Variants in PARP8 observed in about 807,000 individuals in gnomAD.
PARP8 encodes protein mono-ADP-ribosyltransferase PARP8.
PARP8 carries 51 observed loss-of-function variants against 124.1 expected under a neutral mutation model. The observed-to-expected ratio is 0.41, with a 90% CI of 0.33 to 0.52. The LOEUF (loss-of-function observed/expected upper bound fraction) is 0.52. Among genes scored for constraint, PARP8 ranks in the 20% least tolerant of loss-of-function variants. The pLI, the probability that PARP8 is intolerant of heterozygous loss-of-function variation, is 0.21. For synonymous variants in PARP8, 391 were observed against 361.5 expected, an observed-to-expected ratio of 1.08 and a Z score of -0.93; for missense variants, 860 against 1,018.9, an observed-to-expected ratio of 0.84 and a Z score of 2.12.
intron 3 of PARP8, among the ~76,000 whole-genome samples, chr5:50,752,184 A>G (rs1235131377): frequency 2.0e-5 from 3 of 152,068 alleles, no homozygotes; most frequent in East Asian, 3.8e-4. Flanking sequence ...GAGGTGTCAT[A>G]TCTACTTTTT....
At chr5:50,687,389 C>G (rs1751988905) in intron 2 of PARP8, among the ~76,000 whole-genome samples, 1 of 152,182 alleles carries the variant, frequency 6.6e-6, no homozygotes, top group African/African-American at 2.4e-5. Flanking sequence ...TGGTCAAAGC[C>G]ATTCAACAAG....
At chr5:50,760,127 C>A (rs1440937949) in intron 4 of PARP8, among the ~76,000 whole-genome samples, 165 bp from the exon 5 acceptor site, 1 of 152,028 alleles carries the variant, frequency 6.6e-6, no homozygotes, top group Non-Finnish European at 1.5e-5. Flanking sequence ...GAATAGCTTG[C>A]GTATTGTGTA....
chr5:50,749,367 T>G (rs572623575), intron 2 of PARP8, among the ~76,000 whole-genome samples: 15 of 152,262 alleles, frequency 9.9e-5, no homozygotes, highest in Non-Finnish European at 1.9e-4. Flanking sequence ...CTGTGTGTCA[T>G]GCACCAAAGT....
At chr5:50,825,713 C>T (rs1356749380) in intron 18 of PARP8, among the ~76,000 whole-genome samples, 4 of 152,068 alleles carry the variant, frequency 2.6e-5, no homozygotes, top group East Asian at 1.9e-4. Flanking sequence ...ACTCCAACTC[C>T]GTGAGATTTA....
At position 50,668,328 on chromosome 5, in the gene PARP8, A is replaced by G. The variant is rs543229070; in HGVS notation, c.146+203A>G. ...AATGTTTGATTCAGGTGTTTCGAGGACCACGCCACAGGCAATGAGCAGAAC... is the reference window on the plus strand; with the variant it reads ...AATGTTTGATTCAGGTGTTTCGAGGGCCACGCCACAGGCAATGAGCAGAAC... On this transcript the variant is annotated intron_variant, in intron 2 of 25. Transcript: ENST00000281631. The G allele has an allele frequency of 7.9e-5, 47 of 593,462 alleles. 2 individuals carry two copies. In the South Asian group the frequency reaches 9.2e-4, roughly 12 times the overall value. The allele number at this position is 593,462 out of a possible 1,614,324, so 36.8% of individuals were successfully genotyped here.
chr5:50,674,294 G>C (rs1750367031), intron 2 of PARP8, among the ~76,000 whole-genome samples: 1 of 152,138 alleles, frequency 6.6e-6, no homozygotes, highest in African/African-American at 2.4e-5. Flanking sequence ...CACATCTTTT[G>C]AGCCCGGTAT....
chr5:50,824,072 C>T (rs1343939751), intron 17 of PARP8, among the ~76,000 whole-genome samples: 1 of 152,182 alleles, frequency 6.6e-6, no homozygotes, highest in Non-Finnish European at 1.5e-5. Flanking sequence ...TAAATTGTCA[C>T]GGAGAGATTG....
intron 7 of PARP8, among the ~76,000 whole-genome samples, chr5:50,777,724 G>A (rs1431647652): frequency 6.6e-6 from 1 of 152,122 alleles, no homozygotes; most frequent in Non-Finnish European, 1.5e-5. Flanking sequence ...GTCTTCAGAA[G>A]CAGCTCCTTA....
intron 7 of PARP8, among the ~76,000 whole-genome samples, chr5:50,765,584 C>G (rs1055232012): frequency 3.9e-5 from 6 of 152,182 alleles, no homozygotes; most frequent in African/African-American, 1.4e-4. Context: ...CCCCTTAACC[C>G]TTTTCACTTG....
intron 17 of PARP8, among the ~76,000 whole-genome samples, chr5:50,823,943 G>T (rs983892028): frequency 6.6e-6 from 1 of 152,140 alleles, no homozygotes; most frequent in Non-Finnish European, 1.5e-5. Context: ...ACCCTGTTTC[G>T]GTGTGTACTT....
At chr5:50,693,899 T>G (rs7726225) in intron 2 of PARP8, among the ~76,000 whole-genome samples, 10,182 of 151,920 alleles carry the variant, frequency 0.067, 377 homozygotes, top group Middle Eastern at 0.11. Flanking sequence ...ATATATGTCC[T>G]TTCCCTTTTT....
At chr5:50,786,515 C>A (rs987040236) in intron 9 of PARP8, among the ~76,000 whole-genome samples, 23 of 151,700 alleles carry the variant, frequency 1.5e-4, no homozygotes, top group Non-Finnish European at 2.9e-4. Context: ...TAGGCATATG[C>A]CACCATGCCT....
In PARP8 at chr5:50,815,466, C is replaced by G. The variant is rs764208692; in HGVS notation, c.1610C>G (p.Ala537Gly). 99 of 1,599,662 alleles carry G rather than the reference C, an allele frequency of 6.2e-5. No homozygotes were observed. The highest frequency in any genetic ancestry group is 8.0e-5 in the Non-Finnish European group (94 of 1,173,834). Residue 537 changes from alanine to glycine, a missense_variant, in exon 15 of 26, where the codon GCT (alanine) becomes GGT (glycine). This residue lies in a region of PARP8 where 343 missense variants were observed against 474.7 expected (regional missense o/e 0.72). Coordinates refer to ENST00000281631, the MANE Select transcript of PARP8 (RefSeq NM_024615.4). ...TGTGAACGGGAGCTGTGTGTGTTTG[C>G]TTTTCAAACCCTGGGAGTAATGAAT... is the stretch of plus-strand genomic sequence containing the variant. ...TVCERELCVF[A>G]FQTLGVMNEA... is the part of the protein sequence containing the mutation.
intron 14 of PARP8, among the ~76,000 whole-genome samples, chr5:50,807,647 C>T (rs1417558365): frequency 4.6e-5 from 7 of 152,086 alleles, no homozygotes; most frequent in Non-Finnish European, 1.0e-4. Context: ...TCACCTTAAT[C>T]ACCTCAATCG....
intron 18 of PARP8, among the ~76,000 whole-genome samples, chr5:50,825,558 G>A (rs1451027196): frequency 6.6e-6 from 1 of 152,168 alleles, no homozygotes; most frequent in Admixed American, 6.5e-5. Flanking sequence ...TCACCTTGCT[G>A]TGATGCCCAT....
At chr5:50,672,563 C>T (rs1407272132) in intron 2 of PARP8, among the ~76,000 whole-genome samples, 1 of 152,174 alleles carries the variant, frequency 6.6e-6, no homozygotes, top group Non-Finnish European at 1.5e-5. Context: ...CTCTGGGTCA[C>T]ATGTGCAAAT....
chr5:50,828,511 T>A, intron 21 of PARP8, 127 bp downstream of exon 21: 2 of 771,648 alleles, frequency 2.6e-6, no homozygotes, highest in Non-Finnish European at 4.3e-6. Flanking sequence ...ATGGAATTTC[T>A]AGTAGGCATA....
Position 50,668,082 on chromosome 5 carries a change from T to G in PARP8, c.103T>G (p.Ser35Ala). The change falls in exon 2 of 26, where the codon TCT (serine) becomes GCT (alanine). Residue 35 changes from serine to alanine, a missense_variant. Around this residue, in one of 2 missense-constraint regions of PARP8, gnomAD observed 517 missense variants for 544.2 expected, o/e 0.95. Coordinates refer to ENST00000281631, the MANE Select transcript of PARP8 (RefSeq NM_024615.4). ...KDCLFADFRY[S>A]DSTFTFTYVG... ...ACTTTCTGTTTCAGATTTCAGATACTCTGACTCCACCTTTACTTTTACCTA... is the reference window on the plus strand; with the variant it reads ...ACTTTCTGTTTCAGATTTCAGATACGCTGACTCCACCTTTACTTTTACCTA... 1 of 1,612,108 alleles carries G rather than the reference T, an allele frequency of 6.2e-7. No individual in the cohort carries two copies. Among genetic ancestry groups the G allele is most frequent in the Non-Finnish European group, 8.5e-7 (1 of 1,179,954 alleles).
chr5:50,712,287 C>T (rs1422417526), intron 2 of PARP8, among the ~76,000 whole-genome samples: 1 of 152,062 alleles, frequency 6.6e-6, no homozygotes, highest in Non-Finnish European at 1.5e-5. Context: ...CTTTAAAAAA[C>T]CCAACTTCTG....
Sources: gnomAD v4.1 joint callset for allele counts (sites outside exome capture counted in the v4.1 genomes callset) on GRCh38, gnomAD v4.1.1 for gene constraint, gnomAD v4.1.1 regional missense constraint, MANE v1.5 for transcripts, NCBI Gene and HGNC (gene_info 2026-07-23, HGNC 2026-07-21) for gene names.